The following TSHZ2 variants were observed in gnomAD, a reference collection of about 807,000 sequenced individuals.
TSHZ2 encodes the protein teashirt homolog 2.
A neutral mutation model predicts 74.4 loss-of-function variants in TSHZ2; 21 were observed. The ratio of observed to expected loss-of-function variants is 0.28; its 90% CI spans 0.20 to 0.41. The LOEUF is 0.41. TSHZ2 is among the 10% of genes least tolerant of loss of function. The pLI is 1.00. For missense variants in TSHZ2, 1,244 were observed against 1,293.5 expected, an observed-to-expected ratio of 0.96 and a Z score of 0.59; for synonymous variants, 540 against 515.3, an observed-to-expected ratio of 1.05 and a Z score of -0.65.
chr20:53,469,693 CAAGAAAGATA>C (rs140693485), intron 2 of TSHZ2, among the ~76,000 whole-genome samples: 673 of 46,208 alleles, frequency 0.015, 47 homozygotes, highest in African/African-American at 0.063. Flanking sequence ...AGGACGGACC[CAAGAAAGATA>C]GAGAAAGAGA....
chr20:53,120,382 CAG>C (rs1456154503), intron 1 of TSHZ2, among the ~76,000 whole-genome samples: 3 of 151,924 alleles, frequency 2.0e-5, no homozygotes, highest in East Asian at 1.9e-4. Context: ...GCATTTTTGT[CAG>C]AGTTTATTGC....
intron 2 of TSHZ2, among the ~76,000 whole-genome samples, chr20:53,299,908 A>G (rs144667293): frequency 4.6e-5 from 7 of 152,326 alleles, no homozygotes; most frequent in African/African-American, 1.7e-4. Context: ...TTTATCTTTA[A>G]AACTTAAAAA....
intron 2 of TSHZ2, among the ~76,000 whole-genome samples, chr20:53,299,963 C>T (rs1461902218): frequency 1.3e-5 from 2 of 152,178 alleles, no homozygotes; most frequent in Non-Finnish European, 2.9e-5. Flanking sequence ...TTTTTCCTCT[C>T]CAGGGTTTAT....
intron 1 of TSHZ2, among the ~76,000 whole-genome samples, chr20:53,228,138 A>ACACACT (rs1453899251): frequency 2.0e-5 from 3 of 146,410 alleles, no homozygotes; most frequent in African/African-American, 7.4e-5. Flanking sequence ...ACACACACAC[A>ACACACT]CACACTCACA....
intron 1 of TSHZ2, among the ~76,000 whole-genome samples, chr20:53,075,738 G>C (rs1051956608): frequency 1.3e-5 from 2 of 152,150 alleles, no homozygotes; most frequent in African/African-American, 4.8e-5. Flanking sequence ...GGGAGTTCTT[G>C]GGGTGATGGA....
intron 2 of TSHZ2, among the ~76,000 whole-genome samples, chr20:53,353,528 G>T (rs1980734541): frequency 1.3e-5 from 2 of 152,054 alleles, no homozygotes; most frequent in African/African-American, 4.8e-5. Flanking sequence ...ATTTTTAAAG[G>T]CCATACAAGA....
intron 1 of TSHZ2, among the ~76,000 whole-genome samples, chr20:53,191,953 T>C (rs1044574967): frequency 3.9e-5 from 6 of 152,232 alleles, no homozygotes; most frequent in Non-Finnish European, 7.3e-5. Flanking sequence ...TGTCTCTTTT[T>C]ATTTTGCTTT....
chr20:53,275,948 A>G (rs1001576459), intron 2 of TSHZ2, among the ~76,000 whole-genome samples: 7 of 152,140 alleles, frequency 4.6e-5, no homozygotes, highest in African/African-American at 1.4e-4. Flanking sequence ...AAACAAACAA[A>G]ACTATTCAGC....
At chr20:53,378,341 AAATAATAAT>A (rs11474507) in intron 2 of TSHZ2, among the ~76,000 whole-genome samples, 3,957 of 142,506 alleles carry the variant, frequency 0.028, 146 homozygotes, top group African/African-American at 0.086. Flanking sequence ...CTTTGTATCA[AAATAATAAT>A]AATAATAATA....
At chr20:53,001,218 G>GTGTGTGTGTGTATA (rs1555813580) in intron 1 of TSHZ2, among the ~76,000 whole-genome samples, 18 of 145,250 alleles carry the variant, frequency 1.2e-4, no homozygotes, top group African/African-American at 4.7e-4. Flanking sequence ...GTGTGTGTGT[G>GTGTGTGTGTGTATA]TGTGTGTGTG....
At chr20:53,418,228 G>A (rs1306288819) in intron 2 of TSHZ2, among the ~76,000 whole-genome samples, 1 of 152,186 alleles carries the variant, frequency 6.6e-6, no homozygotes, top group Non-Finnish European at 1.5e-5. Context: ...TCTAAAATGG[G>A]TGTGGGATCC....
At chr20:53,470,735 C>A (rs13433342) in intron 2 of TSHZ2, among the ~76,000 whole-genome samples, 2 of 152,014 alleles carry the variant, frequency 1.3e-5, no homozygotes, top group East Asian at 1.9e-4. Context: ...ATCGCTTGAA[C>A]CCGGGAGGCA....
At chr20:53,109,842 A>G (rs549143905) in intron 1 of TSHZ2, among the ~76,000 whole-genome samples, 135 of 152,162 alleles carry the variant, frequency 8.9e-4, no homozygotes, top group African/African-American at 3.1e-3. Flanking sequence ...TCTTCCTCCA[A>G]TGACCCAGTA....
At chr20:53,426,173 G>A (rs1158668104) in intron 2 of TSHZ2, among the ~76,000 whole-genome samples, 1 of 152,204 alleles carries the variant, frequency 6.6e-6, no homozygotes, top group Non-Finnish European at 1.5e-5. Flanking sequence ...ACGGTAGGAA[G>A]TAACCAATGA....
At chr20:53,394,464 G>A (rs1334154) in intron 2 of TSHZ2, among the ~76,000 whole-genome samples, 14,270 of 152,138 alleles carry the variant, frequency 0.094, 1,803 homozygotes, top group African/African-American at 0.28. Context: ...AAAAACTCAA[G>A]TCACTAACTC....
chr20:53,343,316 C>T (rs547074908), intron 2 of TSHZ2, among the ~76,000 whole-genome samples: 1 of 152,124 alleles, frequency 6.6e-6, no homozygotes, highest in South Asian at 2.1e-4. Context: ...CTGGGAGTAG[C>T]GAGGCTGGAC....
intron 1 of TSHZ2, among the ~76,000 whole-genome samples, chr20:53,131,970 G>A (rs1181593912): frequency 2.0e-5 from 3 of 152,104 alleles, no homozygotes; most frequent in African/African-American, 7.2e-5. Flanking sequence ...GAGTGGTGAA[G>A]GAGAGTAGAG....
chr20:53,246,036 C>CTTTTT (rs201257665), intron 1 of TSHZ2, among the ~76,000 whole-genome samples: 11 of 126,772 alleles, frequency 8.7e-5, no homozygotes, highest in East Asian at 4.0e-4. Context: ...TTCTTTCTTT[C>CTTTTT]TTTCTTTTTT....
chr20:53,055,960 C>T lies in TSHZ2; in HGVS notation c.40+82627C>T, dbSNP rs565798865. 1.7e-3 allele frequency among the ~76,000 whole-genome samples: 256 copies of T among 152,322 alleles called. 1 individual carries two copies. Among genetic ancestry groups the T allele is most frequent in the Non-Finnish European group, 2.6e-3 (178 of 68,024 alleles). On this transcript the variant is annotated intron_variant, in intron 1 of 2. Coordinates refer to ENST00000371497, the MANE Select transcript of TSHZ2 (RefSeq NM_173485.6). ...GTCCCAAACTATTTACTATCTGGCC[C>T]TTGATGGAAAATGTTTGCCAACCTA...
Sources: gnomAD v4.1 joint callset for allele counts (sites outside exome capture counted in the v4.1 genomes callset) on GRCh38, gnomAD v4.1.1 for gene constraint, MANE v1.5 for transcripts, NCBI Gene and HGNC (gene_info 2026-07-23, HGNC 2026-07-21) for gene names.